Variants in USP34 observed in about 807,000 individuals in gnomAD.
USP34 encodes ubiquitin carboxyl-terminal hydrolase 34.
Under a neutral mutation model 460.3 loss-of-function variants are expected in USP34, and 70 were observed. The ratio of observed to expected loss-of-function variants is 0.15; its 90% confidence interval spans 0.13 to 0.19. The LOEUF (loss-of-function observed/expected upper bound fraction) is 0.19. USP34 is among the 10% of genes least tolerant of loss of function. USP34 has a pLI of 1.00. For synonymous variants in USP34, 1,647 were observed against 1,405.3 expected (o/e 1.17, Z -3.85); for missense variants, 3,985 against 4,236.2 (o/e 0.94, Z 1.65).
intron 1 of USP34, among the ~76,000 whole-genome samples, chr2:61,461,346 T>C (rs1415923748): frequency 6.6e-6 from 1 of 151,086 alleles, no homozygotes; most frequent in Admixed American, 6.6e-5. Context: ...TGAGCCGAGA[T>C]GGCACCATTG....
intron 1 of USP34, among the ~76,000 whole-genome samples, chr2:61,440,516 A>G (rs532463147): frequency 6.6e-4 from 100 of 150,678 alleles, no homozygotes; most frequent in African/African-American, 2.3e-3. Context: ...TGCCCTTTTT[A>G]AATTTTTTTT....
At chr2:61,343,774 T>C (rs1691677343) in intron 16 of USP34, 41 bp downstream of exon 16, 10 of 1,570,980 alleles carry the variant, frequency 6.4e-6, no homozygotes, top group Admixed American at 3.3e-5. Flanking sequence ...TTATTCCTGT[T>C]GTGAAGAAGG....
chr2:61,402,928 T>G (rs1325950310), intron 3 of USP34, among the ~76,000 whole-genome samples: 3 of 152,158 alleles, frequency 2.0e-5, no homozygotes, highest in African/African-American at 7.2e-5. Flanking sequence ...TTTGAAACAG[T>G]TGACCCTTAC....
chr2:61,385,004 A>G (rs550555788), intron 5 of USP34, among the ~76,000 whole-genome samples: 2 of 152,304 alleles, frequency 1.3e-5, no homozygotes, highest in Non-Finnish European at 2.9e-5. Context: ...TAAAGAGTTT[A>G]GCAAAACTGC....
At chr2:61,190,814 AT>A in intron 76 of USP34, 156 bp from the exon 77 acceptor site, 1 of 854,622 alleles carries the variant, frequency 1.2e-6, no homozygotes. Context: ...CACCTATTGA[AT>A]TTTTAGTTAA....
chr2:61,347,007 G>A (rs1330919658), intron 15 of USP34, among the ~76,000 whole-genome samples: 5 of 151,912 alleles, frequency 3.3e-5, no homozygotes, highest in Non-Finnish European at 4.4e-5. Context: ...AGGCATGGTG[G>A]TGGGTGCTTG....
At chr2:61,352,423 A>T (rs1181899048) in intron 10 of USP34, among the ~76,000 whole-genome samples, 1 of 151,762 alleles carries the variant, frequency 6.6e-6, no homozygotes, top group African/African-American at 2.4e-5. Flanking sequence ...TAATATACTT[A>T]ATTTTGATAA....
At chr2:61,191,771 T>C (rs1453595850) in intron 76 of USP34, among the ~76,000 whole-genome samples, 2 of 152,002 alleles carry the variant, frequency 1.3e-5, no homozygotes, top group African/African-American at 2.4e-5. Context: ...ACCAAGAAAC[T>C]ACCCAAATCA....
At chr2:61,433,189 T>C (rs1279785374) in intron 1 of USP34, among the ~76,000 whole-genome samples, 2 of 152,146 alleles carry the variant, frequency 1.3e-5, no homozygotes, top group Non-Finnish European at 2.9e-5. Context: ...AGGAAGGCAG[T>C]ATGGAAGCAT....
intron 21 of USP34, among the ~76,000 whole-genome samples, chr2:61,323,079 A>G (rs944887444): frequency 2.6e-4 from 40 of 152,218 alleles, no homozygotes; most frequent in African/African-American, 8.7e-4. Flanking sequence ...GAACTGTGCC[A>G]ATAAGAGAAG....
chr2:61,309,441 A>G (rs1457512338), intron 27 of USP34, among the ~76,000 whole-genome samples: 1 of 152,208 alleles, frequency 6.6e-6, no homozygotes, highest in Non-Finnish European at 1.5e-5. Context: ...GCTGTGCACC[A>G]AATTTGAGGA....
At chr2:61,322,282 A>T (rs1300571008) in intron 21 of USP34, among the ~76,000 whole-genome samples, 2 of 152,132 alleles carry the variant, frequency 1.3e-5, no homozygotes, top group Admixed American at 1.3e-4. Flanking sequence ...TATGATGAAG[A>T]AAGCAAAAGG....
chr2:61,229,463 AAAAAAAAAAAAACAAAAAAAAAAAAC>A, intron 59 of USP34, 59 bp downstream of exon 59: 2 of 661,270 alleles, frequency 3.0e-6, no homozygotes, highest in Non-Finnish European at 4.3e-6. Flanking sequence ...CTCTTAAAAA[AAAAAAAAAAAAACAAAAAAAAAAAAC>A]AAAAACACCA....
intron 69 of USP34, among the ~76,000 whole-genome samples, chr2:61,210,148 G>A (rs1056737567): frequency 6.6e-6 from 1 of 152,064 alleles, no homozygotes; most frequent in Non-Finnish European, 1.5e-5. Context: ...TGTAGCTTAA[G>A]TGTACAGTGT....
chr2:61,429,532 T>C (rs1403853179), intron 1 of USP34, among the ~76,000 whole-genome samples: 1 of 151,806 alleles, frequency 6.6e-6, no homozygotes, highest in Non-Finnish European at 1.5e-5. Flanking sequence ...GAGGCTGAGG[T>C]GAATGAGTTG....
chr2:61,217,257 G>C (rs1252101430), intron 67 of USP34, among the ~76,000 whole-genome samples: 2 of 152,186 alleles, frequency 1.3e-5, no homozygotes, highest in Non-Finnish European at 2.9e-5. Flanking sequence ...TATAACTTAA[G>C]AGTCCTGGAT....
At chr2:61,308,982 C>T (rs1042715086) in intron 27 of USP34, among the ~76,000 whole-genome samples, 6 of 152,070 alleles carry the variant, frequency 3.9e-5, no homozygotes, top group African/African-American at 1.4e-4. Context: ...TTGCAGTAAG[C>T]CAAGATCCTG....
At chr2:61,431,319 C>T (rs1434259560) in intron 1 of USP34, among the ~76,000 whole-genome samples, 1 of 152,132 alleles carries the variant, frequency 6.6e-6, no homozygotes, top group African/African-American at 2.4e-5. Context: ...ACCTCCTGGG[C>T]TCAAACAATC....
chr2:61,420,275 GATTAT>G (rs1694318441), intron 2 of USP34, among the ~76,000 whole-genome samples: 1 of 152,054 alleles, frequency 6.6e-6, no homozygotes, highest in South Asian at 2.1e-4. Context: ...TATAAACTTT[GATTAT>G]ATTAACATGT....
Sources: gnomAD v4.1 joint callset for allele counts (sites outside exome capture counted in the v4.1 genomes callset) on GRCh38, gnomAD v4.1.1 for gene constraint, MANE v1.5 for transcripts, NCBI Gene and HGNC (gene_info 2026-07-23, HGNC 2026-07-21) for gene names.